Variants in TVP23A observed in about 807,000 individuals in gnomAD.
TVP23A encodes Golgi apparatus membrane protein TVP23 homolog A.
TVP23A carries 21 observed loss-of-function variants against 31.7 expected under a neutral mutation model. The ratio of observed to expected loss-of-function variants is 0.66; its 90% confidence interval spans 0.47 to 0.95. TVP23A has a LOEUF of 0.95. Ranked by LOEUF, TVP23A falls within the 40% of genes least tolerant of loss-of-function variation. The pLI is 0.00. For synonymous variants in TVP23A, 104 were observed against 96.0 expected (o/e 1.08, Z -0.49); for missense variants, 279 against 255.6 (o/e 1.09, Z -0.62).
At position 10,818,258 on chromosome 16, in the gene TVP23A, G is replaced by C; in HGVS notation, c.10-76C>G. The stretch of plus-strand genomic sequence containing the variant: ...AACCCCACCCGCCCTGTCCTCCTGG[G>C]CTTGGACTCCACTTGCACCCCACCG... On this transcript the variant is annotated intron_variant, in intron 1 of 7. Coordinates refer to ENST00000299866, the MANE Select transcript of TVP23A (RefSeq NM_001079512.4). The surrounding 1 kb of genome is among the most constrained non-coding windows in gnomAD (Gnocchi z 4.7). 1 of 1,368,484 alleles carries C rather than the reference G, an allele frequency of 7.3e-7. No homozygotes were observed. The highest frequency in any genetic ancestry group is 1.0e-6 in the Non-Finnish European group (1 of 988,288). The allele number at this position is 1,368,484 out of a possible 1,614,324, so 84.8% of individuals were successfully genotyped here.
rs574594500 is a variant in TVP23A, at chr16:10,789,230, T to C, written c.90-14134A>G. Among the ~76,000 whole-genome samples, 7 of 152,276 alleles carry C rather than the reference T, an allele frequency of 4.6e-5. No individual in the cohort carries two copies. The East Asian group carries it at 1.4e-3, about 29-fold the overall frequency. On this transcript the variant is annotated intron_variant, in intron 2 of 7. Coordinates refer to ENST00000299866, the MANE Select transcript of TVP23A (RefSeq NM_001079512.4). ...ACCAGCCTTAAAAAGGCACCACTCT[T>C]AGTGAATTCTCTCCTGGATCAGAGG...
intron 2 of TVP23A, among the ~76,000 whole-genome samples, chr16:10,789,265 G>A (rs2142983769): frequency 6.6e-6 from 1 of 152,280 alleles, no homozygotes; most frequent in South Asian, 2.1e-4. Flanking sequence ...GAAGCACCTG[G>A]AAAGGGAAGG....
At chr16:10,801,670 G>T (rs56872628) in intron 2 of TVP23A, among the ~76,000 whole-genome samples, 3,236 of 152,102 alleles carry the variant, frequency 0.021, 118 homozygotes, top group East Asian at 0.16. Context: ...TTCCCAGACC[G>T]GTCTCAAACT....
At position 10,777,637 on chromosome 16, in the gene TVP23A, C is replaced by T. The variant is rs2032132574; in HGVS notation, c.90-2541G>A. On this transcript the variant is annotated intron_variant, in intron 2 of 7. Transcript: ENST00000299866. The surrounding 1 kb of genome is among the most constrained non-coding windows in gnomAD (Gnocchi z 4.5). The stretch of plus-strand genomic sequence containing the variant: ...ACCAACTATTCACCAGGATGGGTCT[C>T]ATCTGAGCCTCTCAGGCTCTTGGCT... Among the ~76,000 whole-genome samples the T allele has an allele frequency of 6.6e-6, 1 of 152,214 alleles. No homozygotes were observed. Among genetic ancestry groups the T allele is most frequent in the Non-Finnish European group, 1.5e-5 (1 of 68,040 alleles).
intron 2 of TVP23A, among the ~76,000 whole-genome samples, chr16:10,805,139 C>A (rs778562159): frequency 6.6e-6 from 1 of 152,060 alleles, no homozygotes; most frequent in Non-Finnish European, 1.5e-5. Context: ...TCAAGCGATT[C>A]TTGTGCCTCA....
chr16:10,791,453 A>G (rs1189531304), intron 2 of TVP23A, among the ~76,000 whole-genome samples: 1 of 152,216 alleles, frequency 6.6e-6, no homozygotes, highest in Non-Finnish European at 1.5e-5. Flanking sequence ...TCTAACAAAG[A>G]GCAGCCTGTA....
In TVP23A at chr16:10,769,033, G is replaced by A. The variant is rs201618624; in HGVS notation, c.*69C>T. On this transcript the variant is annotated 3_prime_UTR_variant, in exon 8 of 8. Transcript: ENST00000299866. Reference sequence around the variant, plus strand: ...AAGCCATTAGCACTCTATGCCTGTCGTCTTGTTTTCCAGGAATCCAAGAGT... The same window carrying A: ...AAGCCATTAGCACTCTATGCCTGTCATCTTGTTTTCCAGGAATCCAAGAGT... 5.8e-5 allele frequency: 93 copies of A among 1,613,750 alleles called. No homozygotes were observed. The highest frequency in any genetic ancestry group is 6.7e-5 in the East Asian group (3 of 44,878).
downstream of TVP23A, among the ~76,000 whole-genome samples, chr16:10,763,006 T>C (rs962032430): frequency 7.2e-5 from 11 of 152,104 alleles, no homozygotes; most frequent in Admixed American, 2.6e-4. Context: ...CCCTGGGTTC[T>C]GGCGTTGGTG....
intron 2 of TVP23A, among the ~76,000 whole-genome samples, chr16:10,801,113 G>T (rs1201697196): frequency 6.6e-6 from 1 of 152,144 alleles, no homozygotes; most frequent in Non-Finnish European, 1.5e-5. Flanking sequence ...AGGAGTCCTG[G>T]GTTCTTTGAG....
At chr16:10,769,374 A>T in intron 7 of TVP23A, 1 of 398,918 alleles carries the variant, frequency 2.5e-6, no homozygotes, top group Non-Finnish European at 4.5e-6. Context: ...TGTTTCACGT[A>T]AAAAACAAAT....
At chr16:10,812,260 A>C (rs1037497492) in intron 2 of TVP23A, among the ~76,000 whole-genome samples, 3 of 152,196 alleles carry the variant, frequency 2.0e-5, no homozygotes, top group African/African-American at 7.2e-5. Context: ...AGTCAATAAC[A>C]ATGTTGGCAA....
intron 2 of TVP23A, among the ~76,000 whole-genome samples, chr16:10,776,843 A>G (rs1346840144): frequency 6.6e-6 from 1 of 152,098 alleles, no homozygotes; most frequent in Non-Finnish European, 1.5e-5. Flanking sequence ...CAACTTCCAG[A>G]CGTTGCCATG....
chr16:10,807,512 C>T (rs1046142560), intron 2 of TVP23A, among the ~76,000 whole-genome samples: 1 of 152,172 alleles, frequency 6.6e-6, no homozygotes, highest in Admixed American at 6.6e-5. Context: ...GGACACTTGG[C>T]CACATCAGGA....
chr16:10,771,964 G>A (rs962712256), intron 5 of TVP23A, among the ~76,000 whole-genome samples, 166 bp from the exon 6 acceptor site: 47 of 152,040 alleles, frequency 3.1e-4, no homozygotes, highest in Non-Finnish European at 5.4e-4. Context: ...GACTACAGGC[G>A]TCCGCCACCA....
chr16:10,762,084 G>T, downstream of TVP23A: 1 of 475,936 alleles, frequency 2.1e-6, no homozygotes, highest in South Asian at 2.9e-5. Context: ...AGGCAGAGGG[G>T]TGAGGCCTGG....
intron 2 of TVP23A, among the ~76,000 whole-genome samples, chr16:10,796,560 G>A (rs1177380734): frequency 6.6e-6 from 1 of 152,050 alleles, no homozygotes; most frequent in Non-Finnish European, 1.5e-5. Context: ...AGCCTCCCAA[G>A]TAGCTGGGAC....
intron 2 of TVP23A, among the ~76,000 whole-genome samples, chr16:10,803,017 C>G (rs1370695747): frequency 1.3e-5 from 2 of 152,170 alleles, no homozygotes; most frequent in African/African-American, 4.8e-5. Context: ...GACGCAGTGG[C>G]TCATGCCTGT....
rs1353224888 is a variant in TVP23A, at chr16:10,761,611, G to A, written c.*207-43C>T. 9 of 977,578 alleles carry A rather than the reference G, an allele frequency of 9.2e-6. No homozygotes were observed. The East Asian group carries it at 2.1e-4, about 22-fold the overall frequency. The allele number at this position is 977,578 out of a possible 1,614,324, so 60.6% of individuals were successfully genotyped here. ...GGAATCACAATTAAAATCCCTTTCT[G>A]CTGACTAAAGGAAAGTTCTTTAGGT... On this transcript the variant is annotated intron_variant and NMD_transcript_variant, in intron 8 of 8. Coordinates refer to the TVP23A transcript ENST00000456096.
rs397713093 is a variant in TVP23A, at chr16:10,774,606, CT to C, written c.234+345del. On this transcript the variant is annotated intron_variant, in intron 3 of 7. Coordinates refer to ENST00000299866, the MANE Select transcript of TVP23A (RefSeq NM_001079512.4). ...CTCTCACTTGGCTCTCATTCTCTCT[CT>C]TTTTTTTTTTTTTTTTTTCCGAGAC... Among the ~76,000 whole-genome samples, 428 of 130,232 alleles carry C rather than the reference CT, an allele frequency of 3.3e-3. 1 individual carries two copies. Among genetic ancestry groups the C allele is most frequent in the African/African-American group, 7.5e-3 (263 of 34,860 alleles). 85.4% of individuals were successfully genotyped at this position (130,232 alleles called of 152,430 possible).
Sources: gnomAD v4.1 joint callset for allele counts (sites outside exome capture counted in the v4.1 genomes callset) on GRCh38, gnomAD v4.1.1 for gene constraint, Gnocchi (gnomAD v3.1) non-coding constraint, MANE v1.5 for transcripts, NCBI Gene and HGNC (gene_info 2026-07-23, HGNC 2026-07-21) for gene names.